Variants in COLEC11 observed in about 807,000 individuals in gnomAD.
COLEC11 encodes collectin subfamily member 11, also known as collectin-11.
In COLEC11, 20 loss-of-function variants were observed where a neutral mutation model predicts 27.3. The observed-to-expected ratio is 0.73, with a 90% CI of 0.51 to 1.06. The LOEUF (loss-of-function observed/expected upper bound fraction) is 1.06. Ranked by LOEUF, COLEC11 falls within the 50% of genes least tolerant of loss-of-function variation. The pLI, the probability that COLEC11 is intolerant of heterozygous loss-of-function variation, is 0.00. For missense variants in COLEC11, 310 were observed against 383.0 expected, an observed-to-expected ratio of 0.81 and a Z score of 1.59; for synonymous variants, 163 against 154.7, an observed-to-expected ratio of 1.05 and a Z score of -0.40.
chr2:3,630,603 G>T (rs888207247), intron 3 of COLEC11, among the ~76,000 whole-genome samples: 9 of 152,192 alleles, frequency 5.9e-5, no homozygotes, highest in Non-Finnish European at 1.3e-4. Flanking sequence ...GATGCTTAAT[G>T]ATTTCCAATA....
intron 3 of COLEC11, chr2:3,625,936 T>C (rs1191228953): frequency 7.2e-7 from 1 of 1,386,646 alleles, no homozygotes; most frequent in African/African-American, 1.4e-5. Flanking sequence ...CCTGGCAGAC[T>C]TTGCAAAGTT....
At chr2:3,595,681 G>A (rs996054769) in intron 1 of COLEC11, among the ~76,000 whole-genome samples, 5 of 152,158 alleles carry the variant, frequency 3.3e-5, no homozygotes, top group Non-Finnish European at 7.4e-5. Flanking sequence ...CAACTTTCCA[G>A]GGAAAGACTT....
intron 6 of COLEC11, 53 bp from the exon 7 acceptor site, chr2:3,643,674 A>G: frequency 6.2e-7 from 1 of 1,612,522 alleles, no homozygotes; most frequent in Non-Finnish European, 8.5e-7. Flanking sequence ...CTGTGCCTTA[A>G]GTTTGTTGCA....
intron 3 of COLEC11, among the ~76,000 whole-genome samples, chr2:3,622,069 T>G (rs1300241168): frequency 6.6e-6 from 1 of 151,022 alleles, no homozygotes; most frequent in Non-Finnish European, 1.5e-5. Flanking sequence ...CTCAGGAGGC[T>G]GAGGCAGGAG....
rs141691492 is a variant in COLEC11, at chr2:3,643,734, C to T, written c.432C>T (p.Ala144=). Residue 144 remains alanine (A), a synonymous_variant, in exon 7 of 7, where the codon GCC becomes GCT. Coordinates refer to ENST00000349077, the MANE Select transcript of COLEC11 (RefSeq NM_024027.5). ...SELKFIKNAV[A]GVRETESKIY... Reference sequence around the variant, plus strand: ...CCCTGCCTTACCCCACAGCTGTCGCCGGTGTGCGCGAGACGGAGAGCAAGA... The same window carrying T: ...CCCTGCCTTACCCCACAGCTGTCGCTGGTGTGCGCGAGACGGAGAGCAAGA... 2.5e-3 allele frequency: 3,970 copies of T among 1,613,628 alleles called. 44 individuals are homozygous for T. The highest frequency in any genetic ancestry group is 0.019 in the Middle Eastern group (113 of 6,034).
chr2:3,598,616 T>G (rs1435512801), intron 1 of COLEC11, among the ~76,000 whole-genome samples: 1 of 152,078 alleles, frequency 6.6e-6, no homozygotes, highest in African/African-American at 2.4e-5. Flanking sequence ...CGCTTTTCGG[T>G]TGCCCTTATT....
At chr2:3,627,254 G>A (rs1664620317) in intron 3 of COLEC11, among the ~76,000 whole-genome samples, 2 of 150,576 alleles carry the variant, frequency 1.3e-5, no homozygotes, top group Admixed American at 1.3e-4. Flanking sequence ...CTTCGCCTGG[G>A]CATGATGACG....
chr2:3,616,382 C>G (rs1252582503), intron 3 of COLEC11, among the ~76,000 whole-genome samples: 2 of 151,848 alleles, frequency 1.3e-5, no homozygotes, highest in Middle Eastern at 3.4e-3. Flanking sequence ...GCTGCAATCT[C>G]GGCACTTTGG....
intron 3 of COLEC11, among the ~76,000 whole-genome samples, chr2:3,616,323 CAG>C (rs1371036123): frequency 6.6e-6 from 1 of 150,980 alleles, no homozygotes; most frequent in African/African-American, 2.5e-5. Flanking sequence ...TATGGGCGGC[CAG>C]GCAGAGACAC....
At chr2:3,597,747 T>C (rs950640182) in intron 1 of COLEC11, among the ~76,000 whole-genome samples, 9 of 148,460 alleles carry the variant, frequency 6.1e-5, no homozygotes, top group African/African-American at 1.7e-4. Context: ...GCGTACTGAG[T>C]GGGTGGGGAG....
intron 3 of COLEC11, among the ~76,000 whole-genome samples, chr2:3,620,463 G>A (rs1275858182): frequency 3.3e-5 from 5 of 151,178 alleles, no homozygotes; most frequent in African/African-American, 1.2e-4. Context: ...CTAAAGGTTC[G>A]TCAATTTTTT....
At chr2:3,628,553 C>T (rs1572448343) in intron 3 of COLEC11, among the ~76,000 whole-genome samples, 2 of 152,200 alleles carry the variant, frequency 1.3e-5, no homozygotes, top group Admixed American at 1.3e-4. Flanking sequence ...TGGGGGCTGC[C>T]CTGAACAGGC....
At chr2:3,604,271 G>A (rs200590771) in intron 1 of COLEC11, 44 bp from the exon 2 acceptor site, 21 of 1,608,212 alleles carry the variant, frequency 1.3e-5, no homozygotes, top group Middle Eastern at 1.7e-4. Flanking sequence ...CTGGCTGCCC[G>A]GCTGTTGCAG....
intron 3 of COLEC11, among the ~76,000 whole-genome samples, chr2:3,635,576 A>G (rs1229616436): frequency 1.3e-5 from 2 of 152,052 alleles, no homozygotes; most frequent in African/African-American, 2.4e-5. Context: ...CTTCCCTCGC[A>G]CGCACTGCAG....
chr2:3,616,015 C>T (rs866134418), intron 3 of COLEC11, among the ~76,000 whole-genome samples: 6 of 148,342 alleles, frequency 4.0e-5, no homozygotes, highest in South Asian at 2.1e-4. Flanking sequence ...GGCGGCTGCC[C>T]GGCGGAGGGG....
intron 3 of COLEC11, chr2:3,617,832 C>T: frequency 1.5e-6 from 1 of 655,624 alleles, no homozygotes; most frequent in Non-Finnish European, 2.7e-6. Context: ...GCTCGCCTTT[C>T]TCCACATCTT....
chr2:3,613,943 AT>A (rs1390614268), intron 3 of COLEC11, among the ~76,000 whole-genome samples: 1 of 150,648 alleles, frequency 6.6e-6, no homozygotes, highest in Admixed American at 6.6e-5. Context: ...ACTGCTTAAA[AT>A]TTTTTTAAGT....
At chr2:3,613,286 T>TA in intron 2 of COLEC11, 25 bp from the exon 3 acceptor site, 1 of 1,602,608 alleles carries the variant, frequency 6.2e-7, no homozygotes, top group South Asian at 1.1e-5. Context: ...GACGAGCTGC[T>TA]AAATGGATGT....
At chr2:3,605,243 G>T (rs1470193862) in intron 2 of COLEC11, among the ~76,000 whole-genome samples, 9 of 151,820 alleles carry the variant, frequency 5.9e-5, no homozygotes, top group African/African-American at 2.2e-4. Context: ...CAGGGCCGGG[G>T]CTGCACCGGC....
Sources: gnomAD v4.1 joint callset for allele counts (sites outside exome capture counted in the v4.1 genomes callset) on GRCh38, gnomAD v4.1.1 for gene constraint, MANE v1.5 for transcripts, NCBI Gene and HGNC (gene_info 2026-07-23, HGNC 2026-07-21) for gene names.